The following ROBO3 variants were observed in gnomAD, a reference collection of about 807,000 sequenced individuals.
ROBO3 encodes roundabout homolog 3.
A neutral mutation model predicts 160.5 loss-of-function variants in ROBO3; 97 were observed. The ratio of observed to expected loss-of-function variants is 0.60; its 90% CI spans 0.51 to 0.72. The LOEUF (loss-of-function observed/expected upper bound fraction) is 0.72. ROBO3 is among the 30% of genes least tolerant of loss of function. The probability of loss-of-function intolerance (pLI) is 0.00; values close to 1 mark genes in which losing one functional copy is unlikely to be tolerated. For missense variants in ROBO3, 1,858 were observed against 1,846.5 expected, an observed-to-expected ratio of 1.01 and a Z score of -0.11; for synonymous variants, 780 against 746.2, an observed-to-expected ratio of 1.05 and a Z score of -0.74.
chr11:124,866,935 G>T (rs1946204987), intron 1 of ROBO3, among the ~76,000 whole-genome samples: 1 of 152,116 alleles, frequency 6.6e-6, no homozygotes, highest in Admixed American at 6.5e-5. Flanking sequence ...CTGGCACCCC[G>T]CAGAGTCCCG....
Position 124,880,432 on chromosome 11 carries a change from C to G in ROBO3, c.3973C>G (p.Pro1325Ala), listed in dbSNP as rs751821356. 1.9e-6 allele frequency: 3 copies of G among 1,613,190 alleles called. No homozygotes were observed. The highest frequency in any genetic ancestry group is 2.7e-5 in the African/African-American group (2 of 74,894). ...VLHPDEEAWL[P>A]YSRPSFLSRG... ...TTGTGCTGCAGAAGAGGCCTGGCTCCCATACAGCAGACCAAGCTTCCTGTC... is the reference window on the plus strand; with the variant it reads ...TTGTGCTGCAGAAGAGGCCTGGCTCGCATACAGCAGACCAAGCTTCCTGTC... Residue 1325 changes from proline to alanine, a missense_variant, in exon 27 of 28, where the codon CCA (proline) becomes GCA (alanine). Transcript: ENST00000397801.
Position 124,869,351 on chromosome 11 carries a change from C to T in ROBO3, c.488-99C>T. ...TCACCTGGGAACGAATTCCAGTCTGCAGCGATCAACCCCTTCCCAAGACAA... is the reference window on the plus strand; with the variant it reads ...TCACCTGGGAACGAATTCCAGTCTGTAGCGATCAACCCCTTCCCAAGACAA... On this transcript the variant is annotated intron_variant, in intron 2 of 27. Coordinates refer to ENST00000397801, the MANE Select transcript of ROBO3 (RefSeq NM_022370.4). The surrounding 1 kb of genome is among the most constrained non-coding windows in gnomAD (Gnocchi z 4.2). 8.2e-7 allele frequency: 1 copy of T among 1,224,566 alleles called. No homozygotes were observed. The highest frequency in any genetic ancestry group is 1.2e-6 in the Non-Finnish European group (1 of 851,488). The allele number at this position is 1,224,566 out of a possible 1,614,324, so 75.9% of individuals were successfully genotyped here.
chr11:124,879,645 C>G (rs1946510743), intron 25 of ROBO3, 70 bp downstream of exon 25: 3 of 1,527,988 alleles, frequency 2.0e-6, no homozygotes, highest in Non-Finnish European at 2.7e-6. Flanking sequence ...CAAGGGTGCA[C>G]TCTGGGGGCT....
chr11:124,878,890 G>A lies in ROBO3; in HGVS notation c.3533+94G>A. 9.0e-7 allele frequency: 1 copy of A among 1,106,178 alleles called. No homozygotes were observed. The highest frequency in any genetic ancestry group is 1.3e-6 in the Non-Finnish European group (1 of 762,620). 68.5% of individuals were successfully genotyped at this position (1,106,178 alleles called of 1,614,324 possible). ...TGGGTGGATGGATGGATGGGTGGAT[G>A]GATCTGGGGTACAGAGGTCTCAGGG... On this transcript the variant is annotated intron_variant, in intron 23 of 27. Coordinates refer to ENST00000397801, the MANE Select transcript of ROBO3 (RefSeq NM_022370.4). This position sits in a 1 kb window ranked among gnomAD's most constrained non-coding sequence, Gnocchi z 4.3.
At chr11:124,879,653 G>T in intron 25 of ROBO3, 78 bp downstream of exon 25, 1 of 1,523,502 alleles carries the variant, frequency 6.6e-7, no homozygotes. Flanking sequence ...CACTCTGGGG[G>T]CTGGAGGAGG....
rs1946309261 is a variant in ROBO3 at position 124,873,670 on chromosome 11, CTACT to C, written c.1619-24_1619-21del. 1.9e-6 allele frequency: 3 copies of C among 1,579,406 alleles called. No individual in the cohort carries two copies. The Admixed American group carries it at 5.3e-5, about 28-fold the overall frequency. On this transcript the variant is annotated intron_variant, in intron 10 of 27. Transcript: ENST00000397801. The surrounding 1 kb of genome is among the most constrained non-coding windows in gnomAD (Gnocchi z 4.5). Reference sequence around the variant, plus strand: ...CTAGGATTATCCTTTCCCTATCTTTCTACTTAAAGATTATCTCCCACTGCAGAAG... The same window carrying C: ...CTAGGATTATCCTTTCCCTATCTTTCTAAAGATTATCTCCCACTGCAGAAG...
In ROBO3 at chr11:124,876,589, T is replaced by A; in HGVS notation, c.2779+129T>A. On this transcript the variant is annotated intron_variant, in intron 17 of 27. Coordinates refer to ENST00000397801, the MANE Select transcript of ROBO3 (RefSeq NM_022370.4). The surrounding 1 kb of genome is among the most constrained non-coding windows in gnomAD (Gnocchi z 5.3). ...AAGGGGTCGCACCTGGAGTTCAGCC[T>A]CTTGGGTAGGGGCGGGATACGTGGG... 1.3e-6 allele frequency: 1 copy of A among 771,484 alleles called. No individual in the cohort carries two copies. The highest frequency in any genetic ancestry group is 3.2e-5 in the East Asian group (1 of 30,968). The allele number at this position is 771,484 out of a possible 1,614,324, so 47.8% of individuals were successfully genotyped here. A position where few individuals can be genotyped will look rare whatever the true frequency, so the allele number is the denominator to read the frequency against.
intron 14 of ROBO3, 42 bp downstream of exon 14, chr11:124,875,378 A>C (rs1946341695): frequency 1.2e-6 from 1 of 818,300 alleles, no homozygotes; most frequent in Non-Finnish European, 1.9e-6. Context: ...AAGAGGGAAG[A>C]AGGGGTGGGG....
Position 124,876,383 on chromosome 11 carries a change from GC to G in ROBO3, c.2703del (p.Cys901TrpfsTer103). 6.9e-7 allele frequency: 1 copy of G among 1,447,116 alleles called. No homozygotes were observed. The highest frequency in any genetic ancestry group is 9.0e-7 in the Non-Finnish European group (1 of 1,107,342). The allele number at this position is 1,447,116 out of a possible 1,614,324, so 89.6% of individuals were successfully genotyped here. On this transcript the variant is annotated frameshift_variant, in exon 17 of 28. Transcript: ENST00000397801. LOFTEE classifies it high-confidence loss of function. The surrounding 1 kb of genome is among the most constrained non-coding windows in gnomAD (Gnocchi z 5.3). ...PAFLAGSGAA[C>X]GALLLGLCAA... ...TTCCTCGCGGGCAGCGGCGCAGCCT[GC>G]GGGGCGCTGCTTCTCGGGCTCTGCG... is the stretch of plus-strand genomic sequence containing the variant.
chr11:124,870,541 G>T, intron 5 of ROBO3, 60 bp from the exon 6 acceptor site: 2 of 1,610,092 alleles, frequency 1.2e-6, no homozygotes, highest in Non-Finnish European at 1.7e-6. Context: ...GTCTGTCCTG[G>T]GGGAGAGAGA....
chr11:124,879,653 G>A (rs913781360), intron 25 of ROBO3, 78 bp downstream of exon 25: 216 of 1,523,380 alleles, frequency 1.4e-4, no homozygotes, highest in Non-Finnish European at 1.9e-4. Flanking sequence ...CACTCTGGGG[G>A]CTGGAGGAGG....
Position 124,865,634 on chromosome 11 carries a change from G to C in ROBO3, c.57G>C (p.Leu19=). Residue 19 remains leucine, a synonymous_variant, in exon 1 of 28, where the codon CTG becomes CTC. Transcript: ENST00000397801. The surrounding 1 kb of genome is among the most constrained non-coding windows in gnomAD (Gnocchi z 5.5). The part of the protein sequence containing the change: ...LLQMNLFADS[L]AGDISNSSEL... ...AGATGAACTTGTTCGCGGACTCTCT[G>C]GCCGGGGACATCTCCAACTCCAGCG... is the stretch of plus-strand genomic sequence containing the variant. 1 of 1,613,038 alleles carries C rather than the reference G, an allele frequency of 6.2e-7. No homozygotes were observed. The highest frequency in any genetic ancestry group is 8.5e-7 in the Non-Finnish European group (1 of 1,179,730).
rs771821278 is a variant in ROBO3 at position 124,876,376 on chromosome 11, G to A, written c.2695G>A (p.Ala899Thr). ...GCCCGCCTTCCTCGCGGGCAGCGGC[G>A]CAGCCTGCGGGGCGCTGCTTCTCGG... ...REPAFLAGSG[A>T]ACGALLLGLC... Residue 899 changes from alanine to threonine, a missense_variant, in exon 17 of 28, where the codon GCA becomes ACA. Coordinates refer to ENST00000397801, the MANE Select transcript of ROBO3 (RefSeq NM_022370.4). This position sits in a 1 kb window ranked among gnomAD's most constrained non-coding sequence, Gnocchi z 5.3. 1.1e-5 allele frequency: 16 copies of A among 1,442,362 alleles called. No homozygotes were observed. The highest frequency in any genetic ancestry group is 1.3e-5 in the Non-Finnish European group (14 of 1,105,624). The allele number at this position is 1,442,362 out of a possible 1,614,324, so 89.3% of individuals were successfully genotyped here.
Position 124,872,805 on chromosome 11 carries a change from G to A in ROBO3, c.1331-79G>A, listed in dbSNP as rs1946294780. On this transcript the variant is annotated intron_variant, in intron 8 of 27. Transcript: ENST00000397801. This position sits in a 1 kb window ranked among gnomAD's most constrained non-coding sequence, Gnocchi z 4.3. Reference sequence around the variant, plus strand: ...AGGGGCTGGGGTAGGGAGGGTGAAGGAGCAGAGAATGAGGACAAGGGGCTG... The same window carrying A: ...AGGGGCTGGGGTAGGGAGGGTGAAGAAGCAGAGAATGAGGACAAGGGGCTG... 31 of 1,240,562 alleles carry A rather than the reference G, an allele frequency of 2.5e-5. No individual in the cohort carries two copies. Among genetic ancestry groups the A allele is most frequent in the Admixed American group, 5.5e-5 (2 of 36,298 alleles). 76.8% of individuals were successfully genotyped at this position (1,240,562 alleles called of 1,614,324 possible).
Position 124,871,130 on chromosome 11 carries a change from G to A in ROBO3, c.1150G>A (p.Gly384Arg), listed in dbSNP as rs1220702223. The A allele has an allele frequency of 6.2e-7, 1 of 1,612,836 alleles. No homozygotes were observed. The highest frequency in any genetic ancestry group is 8.5e-7 in the Non-Finnish European group (1 of 1,179,384). Residue 384 changes from glycine to arginine, a missense_variant, in exon 7 of 28, where the codon GGG (glycine) becomes AGG (arginine). By Grantham distance (125) the Gly-to-Arg change is moderately radical. Transcript: ENST00000397801. ...ACCTGCCATCTTCTGGCAGAAGGAG[G>A]GGAGTCAGGTGGGTGGCCATCTCCA... is the stretch of plus-strand genomic sequence containing the variant. ...PPPAIFWQKE[G>R]SQVLLFPSQS... is the part of the protein sequence containing the mutation.
Position 124,872,505 on chromosome 11 carries a change from G to C in ROBO3, c.1283G>C (p.Ser428Thr). 1 of 1,614,030 alleles carries C rather than the reference G, an allele frequency of 6.2e-7. No individual in the cohort carries two copies. The highest frequency in any genetic ancestry group is 8.5e-7 in the Non-Finnish European group (1 of 1,179,888). Residue 428 changes from serine (S) to threonine (T), a missense_variant, in exon 8 of 28, where the codon AGT becomes ACT. Ser to Thr is a moderately conservative substitution (Grantham distance 58). Coordinates refer to ENST00000397801, the MANE Select transcript of ROBO3 (RefSeq NM_022370.4). The surrounding 1 kb of genome is among the most constrained non-coding windows in gnomAD (Gnocchi z 4.3). ...GGGTACTACGTGTGCCAGGCTGTCA[G>C]TGTGGCTGGCAGCATCCTGGCCAAG... Reference protein sequence around the residue: ...DAGYYVCQAVSVAGSILAKAL... With the variant: ...DAGYYVCQAVTVAGSILAKAL...
chr11:124,872,756 C>G lies in ROBO3; in HGVS notation c.1331-128C>G, dbSNP rs1030944075. ...CAGAGACTTCAGATGATTATCAAAG[C>G]CCCCTCTGATCACCGGAAGTTTCAG... is the stretch of plus-strand genomic sequence containing the variant. On this transcript the variant is annotated intron_variant, in intron 8 of 27. Coordinates refer to ENST00000397801, the MANE Select transcript of ROBO3 (RefSeq NM_022370.4). The surrounding 1 kb of genome is among the most constrained non-coding windows in gnomAD (Gnocchi z 4.3). 2.1e-6 allele frequency: 2 copies of G among 950,980 alleles called. No homozygotes were observed. The allele number at this position is 950,980 out of a possible 1,614,324, so 58.9% of individuals were successfully genotyped here.
At chr11:124,875,058 G>T in intron 13 of ROBO3, 53 bp from the exon 14 acceptor site, 2 of 1,527,154 alleles carry the variant, frequency 1.3e-6, no homozygotes, top group African/African-American at 1.4e-5. Flanking sequence ...GGCCTGGAGG[G>T]CCTGTATGGC....
At position 124,870,721 on chromosome 11, in the gene ROBO3, T is replaced by C; in HGVS notation, c.1026T>C (p.Ser342=). The change falls in exon 6 of 28, where the codon AGT becomes AGC. Residue 342 remains serine (S), a synonymous_variant. Coordinates refer to ENST00000397801, the MANE Select transcript of ROBO3 (RefSeq NM_022370.4). ...VGRAEASGSL[S]VHVPPQLVTQ... is the part of the protein sequence containing the mutation. ...GCGCTGAAGCATCTGGCTCCCTCAGTGTTCACGGTGAGGGCTGTACTTGGG... is the reference window on the plus strand; with the variant it reads ...GCGCTGAAGCATCTGGCTCCCTCAGCGTTCACGGTGAGGGCTGTACTTGGG... 6.2e-7 allele frequency: 1 copy of C among 1,611,074 alleles called. No individual in the cohort carries two copies.
Sources: allele counts gnomAD v4.1 joint callset (sites outside exome capture counted in the v4.1 genomes callset), GRCh38; gene constraint gnomAD v4.1.1; non-coding constraint Gnocchi (gnomAD v3.1); transcripts MANE v1.5; gene names NCBI Gene and HGNC (gene_info 2026-07-23, HGNC 2026-07-21).